The following SGO2 variants were observed in gnomAD, a reference collection of about 807,000 sequenced individuals.
SGO2 encodes the protein shugoshin 2.
In SGO2, 68 loss-of-function variants were observed where a neutral mutation model predicts 99.5. The observed-to-expected ratio is 0.68, with a 90% CI of 0.56 to 0.84. The LOEUF is 0.84. Among genes scored for constraint, SGO2 ranks in the 40% least tolerant of loss-of-function variants. The probability of loss-of-function intolerance (pLI) is 0.00; values close to 1 mark genes in which losing one functional copy is unlikely to be tolerated. For missense variants in SGO2, 1,350 were observed against 1,436.7 expected (o/e 0.94, Z 0.97); for synonymous variants, 457 against 487.1 (o/e 0.94, Z 0.81).
chr2:200,575,230 G>GC, intron 7 of SGO2, 81 bp from the exon 8 acceptor site: 1 of 742,882 alleles, frequency 1.3e-6, no homozygotes, highest in Non-Finnish European at 1.9e-6. Flanking sequence ...GTGGTGATTT[G>GC]CAGACCACTA....
At chr2:200,554,815 A>G (rs6746464) in intron 5 of SGO2, among the ~76,000 whole-genome samples, 5,141 of 152,284 alleles carry the variant, frequency 0.034, 275 homozygotes, top group African/African-American at 0.11. Context: ...GTCAAACTCA[A>G]TTCTTAATAA....
rs769600516 is a variant in SGO2 at position 200,536,133 on chromosome 2, T to C, written c.378T>C (p.Ser126=). 5 of 1,591,580 alleles carry C rather than the reference T, an allele frequency of 3.1e-6. No individual in the cohort carries two copies. The highest frequency in any genetic ancestry group is 1.7e-5 in the Admixed American group (1 of 59,458). The part of the protein sequence containing the change: ...NNLITAIEMS[S]LSEFHQSSFL... ...TGATAACTGCAATTGAAATGAGCAG[T>C]CTTTCTGAGGTAAGTAGAATTTATA... The change falls in exon 4 of 9, where the codon AGT becomes AGC. Residue 126 remains serine (S), a synonymous_variant. Coordinates refer to ENST00000357799, the MANE Select transcript of SGO2 (RefSeq NM_152524.6).
chr2:200,576,500 T>C (rs2033669102), intron 8 of SGO2, among the ~76,000 whole-genome samples: 1 of 152,040 alleles, frequency 6.6e-6, no homozygotes, highest in Non-Finnish European at 1.5e-5. Flanking sequence ...CACCTTGAAT[T>C]CGGAGGCAGA....
chr2:200,563,849 G>A (rs917952735), intron 5 of SGO2, among the ~76,000 whole-genome samples: 1 of 152,164 alleles, frequency 6.6e-6, no homozygotes, highest in African/African-American at 2.4e-5. Context: ...TTTGCATAGA[G>A]GTGTTTGTAG....
At chr2:200,535,199 C>A in intron 3 of SGO2, 28 bp downstream of exon 3, 1 of 1,420,474 alleles carries the variant, frequency 7.0e-7, no homozygotes, top group South Asian at 1.7e-5. Flanking sequence ...TTTTTGAATT[C>A]TAATTATAAC....
chr2:200,534,916 T>G, intron 2 of SGO2, 80 bp from the exon 3 acceptor site: 1 of 931,730 alleles, frequency 1.1e-6, no homozygotes, highest in Admixed American at 4.0e-5. Context: ...AAATGCATTT[T>G]GTCTATGTTT....
At chr2:200,579,353 T>G (rs2106353750) in intron 8 of SGO2, among the ~76,000 whole-genome samples, 2 of 152,342 alleles carry the variant, frequency 1.3e-5, no homozygotes, top group South Asian at 4.1e-4. Flanking sequence ...TGCCTCTTAC[T>G]GTTTTTATAT....
intron 1 of SGO2, chr2:200,532,448 C>T: frequency 1.0e-6 from 1 of 984,616 alleles, no homozygotes; most frequent in Non-Finnish European, 1.2e-6. Context: ...ATCGCTTCTC[C>T]TCTGCATTGT....
At chr2:200,564,006 A>C (rs1201441776) in intron 5 of SGO2, among the ~76,000 whole-genome samples, 1 of 152,152 alleles carries the variant, frequency 6.6e-6, no homozygotes, top group East Asian at 1.9e-4. Flanking sequence ...TTTCAAAAAA[A>C]CCAGCTCCTG....
intron 4 of SGO2, among the ~76,000 whole-genome samples, chr2:200,541,777 C>G (rs1332838403): frequency 6.6e-6 from 1 of 152,164 alleles, no homozygotes; most frequent in Non-Finnish European, 1.5e-5. Flanking sequence ...TTATTATAGC[C>G]TGGTGAGTGT....
Position 200,571,537 on chromosome 2 carries a change from T to C in SGO2, c.1191T>C (p.Thr397=). ...NKKTNEHGMK[T]FRKVKDSSSE... is the part of the protein sequence containing the mutation. ...AAACAAATGAACATGGAATGAAAAC[T>C]TTCAGAAAAGTGAAAGATTCCAGCT... The change falls in exon 7 of 9, where the codon ACT becomes ACC. Residue 397 remains threonine (T), a synonymous_variant. Coordinates refer to ENST00000357799, the MANE Select transcript of SGO2 (RefSeq NM_152524.6). 6.2e-7 allele frequency: 1 copy of C among 1,612,184 alleles called. No homozygotes were observed. The highest frequency in any genetic ancestry group is 8.5e-7 in the Non-Finnish European group (1 of 1,179,518).
intron 5 of SGO2, among the ~76,000 whole-genome samples, chr2:200,559,605 T>G (rs1414066130): frequency 1.3e-5 from 2 of 152,204 alleles, no homozygotes; most frequent in Non-Finnish European, 1.5e-5. Context: ...AATTTTTATT[T>G]GTTTATTTTG....
chr2:200,570,174 A>G lies in SGO2; in HGVS notation c.703+282A>G. The G allele has an allele frequency of 2.6e-6, 1 of 391,810 alleles. No homozygotes were observed. Among genetic ancestry groups the G allele is most frequent in the Non-Finnish European group, 4.5e-6 (1 of 222,218 alleles). The allele number at this position is 391,810 out of a possible 1,614,324, so 24.3% of individuals were successfully genotyped here. A position where few individuals can be genotyped will look rare whatever the true frequency, so the allele number is the denominator to read the frequency against. ...CTCAATATCTTAGCTTATGATTTGA[A>G]AGATACCATATATTTACTTAGTTTT... On this transcript the variant is annotated intron_variant, in intron 6 of 8. Transcript: ENST00000357799. This position sits in a 1 kb window ranked among gnomAD's most constrained non-coding sequence, Gnocchi z 4.4.
chr2:200,572,161 T>C lies in SGO2; in HGVS notation c.1815T>C (p.Asn605=). ...CTGATATTCAACCCTCAGAGCAAAATGAATCAAACATTAATAAGCTTAGAA... is the reference window on the plus strand; with the variant it reads ...CTGATATTCAACCCTCAGAGCAAAACGAATCAAACATTAATAAGCTTAGAA... The part of the protein sequence containing the change: ...YVTDIQPSEQ[N]ESNINKLRKK... The change falls in exon 7 of 9, where the codon AAT becomes AAC. Residue 605 remains asparagine, a synonymous_variant. Coordinates refer to ENST00000357799, the MANE Select transcript of SGO2 (RefSeq NM_152524.6). The C allele has an allele frequency of 6.2e-7, 1 of 1,612,166 alleles. No homozygotes were observed. The highest frequency in any genetic ancestry group is 1.7e-5 in the Admixed American group (1 of 59,774).
intron 4 of SGO2, 51 bp downstream of exon 4, chr2:200,536,193 C>T: frequency 1.8e-6 from 2 of 1,123,948 alleles, no homozygotes; most frequent in Non-Finnish European, 2.6e-6. Context: ...TACTGAGGAT[C>T]ACTGAGATTA....
intron 5 of SGO2, among the ~76,000 whole-genome samples, chr2:200,560,848 A>G (rs1251945540): frequency 6.6e-6 from 1 of 152,212 alleles, no homozygotes; most frequent in Non-Finnish European, 1.5e-5. Flanking sequence ...AATGTTTAAT[A>G]GAATTCACAA....
chr2:200,527,917 G>T (rs1574826741), intron 1 of SGO2, among the ~76,000 whole-genome samples: 1 of 152,194 alleles, frequency 6.6e-6, no homozygotes, highest in African/African-American at 2.4e-5. Flanking sequence ...AGTTTGGACT[G>T]GGAAGGCTCA....
At chr2:200,568,348 G>C (rs780411454) in intron 5 of SGO2, among the ~76,000 whole-genome samples, 13 of 152,090 alleles carry the variant, frequency 8.5e-5, no homozygotes, top group Non-Finnish European at 1.8e-4. Flanking sequence ...GATTGCACCT[G>C]GGTATTGTGT....
intron 5 of SGO2, among the ~76,000 whole-genome samples, chr2:200,558,921 G>A (rs2032831591): frequency 6.6e-6 from 1 of 151,722 alleles, no homozygotes; most frequent in Admixed American, 6.6e-5. Context: ...TCCTGTCTCA[G>A]CCTCCTGAGT....
Sources: gnomAD v4.1 joint callset for allele counts (sites outside exome capture counted in the v4.1 genomes callset) on GRCh38, gnomAD v4.1.1 for gene constraint, Gnocchi (gnomAD v3.1) non-coding constraint, MANE v1.5 for transcripts, NCBI Gene and HGNC (gene_info 2026-07-23, HGNC 2026-07-21) for gene names.